Variants in CREB3L1 observed in about 807,000 individuals in gnomAD.
The protein encoded by CREB3L1 is cAMP responsive element binding protein 3 like 1.
In CREB3L1, 33 loss-of-function variants were observed where a neutral mutation model predicts 54.5. That is an observed-to-expected ratio of 0.61 (90% CI 0.46 to 0.81). CREB3L1 has a LOEUF of 0.81. CREB3L1 is among the 30% of genes least tolerant of loss of function. The probability of loss-of-function intolerance (pLI) is 0.00; values close to 1 mark genes in which losing one functional copy is unlikely to be tolerated. For synonymous variants in CREB3L1, 284 were observed against 286.4 expected (o/e 0.99, Z 0.08); for missense variants, 656 against 673.3 (o/e 0.97, Z 0.29).
intron 1 of CREB3L1, among the ~76,000 whole-genome samples, chr11:46,284,788 G>A (rs1183674382): frequency 1.3e-5 from 2 of 152,130 alleles, no homozygotes; most frequent in African/African-American, 4.8e-5. Flanking sequence ...AGGGGAGCAA[G>A]AAGAAGCTAC....
chr11:46,293,680 C>G (rs1032242826), intron 1 of CREB3L1, among the ~76,000 whole-genome samples: 10 of 152,236 alleles, frequency 6.6e-5, no homozygotes, highest in Admixed American at 5.2e-4. Context: ...GTGTCCCAGC[C>G]CCATGCAAGC....
In CREB3L1 at chr11:46,277,993, T is replaced by G; in HGVS notation, c.-119T>G. 8.2e-6 allele frequency: 3 copies of G among 367,018 alleles called. No individual in the cohort carries two copies. Among genetic ancestry groups the G allele is most frequent in the Non-Finnish European group, 1.3e-5 (3 of 223,068 alleles). 22.7% of individuals were successfully genotyped at this position (367,018 alleles called of 1,614,324 possible). Reference sequence around the variant, plus strand: ...CTCCGTCCGCCCCTCCCCCGGGGCTTCGCCCCGGACCTGCCCCCCGCCCGT... The same window carrying G: ...CTCCGTCCGCCCCTCCCCCGGGGCTGCGCCCCGGACCTGCCCCCCGCCCGT... On this transcript the variant is annotated 5_prime_UTR_variant, in exon 1 of 12. Coordinates refer to ENST00000621158, the MANE Select transcript of CREB3L1 (RefSeq NM_052854.4).
At chr11:46,310,922 C>G (rs1442712477) in intron 4 of CREB3L1, 110 bp from the exon 5 acceptor site, 1 of 1,429,266 alleles carries the variant, frequency 7.0e-7, no homozygotes, top group Non-Finnish European at 9.2e-7. Flanking sequence ...CCTGGCAGTC[C>G]GTGTCCCACA....
chr11:46,299,647 C>A (rs1458830045), intron 1 of CREB3L1, among the ~76,000 whole-genome samples: 2 of 152,090 alleles, frequency 1.3e-5, no homozygotes, highest in African/African-American at 2.4e-5. Context: ...GTTTTTGATC[C>A]CATCCTGAGC....
rs141490983 is a variant in CREB3L1 at position 46,294,464 on chromosome 11, A to G, written c.103-5471A>G. On this transcript the variant is annotated intron_variant, in intron 1 of 11. Coordinates refer to ENST00000621158, the MANE Select transcript of CREB3L1 (RefSeq NM_052854.4). The stretch of plus-strand genomic sequence containing the variant: ...GTCAACCGCGCTTCCATAAAGACAC[A>G]GACTGTAATGGATGAGGAAACCGAG... Among the ~76,000 whole-genome samples, 691 of 152,248 alleles carry G rather than the reference A, an allele frequency of 4.5e-3. 3 individuals carry two copies. Among genetic ancestry groups the G allele is most frequent in the African/African-American group, 0.014 (589 of 41,544 alleles).
At chr11:46,315,808 C>T (rs1035833032) in intron 8 of CREB3L1, 3 of 170,562 alleles carry the variant, frequency 1.8e-5, no homozygotes, top group Non-Finnish European at 3.8e-5. Flanking sequence ...GGTGAAAGAG[C>T]GAGACTCTGT....
At chr11:46,299,111 CCACTGTGTGCTGTG>C (rs895871044) in intron 1 of CREB3L1, among the ~76,000 whole-genome samples, 5 of 152,092 alleles carry the variant, frequency 3.3e-5, no homozygotes, top group African/African-American at 1.2e-4. Flanking sequence ...GTATTTAACT[CCACTGTGTGCTGTG>C]CACTCTGATA....
chr11:46,301,286 G>A (rs1375922136), intron 2 of CREB3L1, among the ~76,000 whole-genome samples: 1 of 152,070 alleles, frequency 6.6e-6, no homozygotes, highest in Non-Finnish European at 1.5e-5. Context: ...GGTGTAGTGA[G>A]CTGAGACCGC....
chr11:46,316,498 C>A (rs1180134088), intron 9 of CREB3L1, 113 bp downstream of exon 9: 5 of 688,394 alleles, frequency 7.3e-6, no homozygotes, highest in Non-Finnish European at 1.3e-5. Context: ...GGCAGCGTCC[C>A]AGGGTACACC....
intron 2 of CREB3L1, among the ~76,000 whole-genome samples, chr11:46,301,522 C>T (rs773577191): frequency 3.3e-4 from 50 of 152,022 alleles, no homozygotes; most frequent in South Asian, 2.3e-3. Context: ...CACATGGTGC[C>T]TCCATTACAT....
At chr11:46,281,715 C>T (rs566540696) in intron 1 of CREB3L1, among the ~76,000 whole-genome samples, 3 of 152,188 alleles carry the variant, frequency 2.0e-5, no homozygotes, top group Non-Finnish European at 4.4e-5. Flanking sequence ...GGCACCCCCA[C>T]CCCCAGCCTT....
chr11:46,314,348 G>A (rs1025736227), intron 8 of CREB3L1, among the ~76,000 whole-genome samples: 15 of 152,066 alleles, frequency 9.9e-5, no homozygotes, highest in Non-Finnish European at 1.9e-4. Context: ...ATTTAGAAAT[G>A]TGCAATTCAT....
rs756237703 is a variant in CREB3L1 at position 46,304,544 on chromosome 11, C to A, written c.332-3272C>A. ...TGCTCAGCGCAAGAAGTGTGAGCTG[C>A]GTCTGATAGTCTTTGAGATTCCCTA... is the stretch of plus-strand genomic sequence containing the variant. On this transcript the variant is annotated intron_variant, in intron 2 of 11. Coordinates refer to ENST00000621158, the MANE Select transcript of CREB3L1 (RefSeq NM_052854.4). 1.2e-4 allele frequency among the ~76,000 whole-genome samples: 19 copies of A among 152,114 alleles called. 1 individual carries two copies. Among genetic ancestry groups the A allele is most frequent in the Non-Finnish European group, 1.8e-4 (12 of 68,026 alleles).
intron 2 of CREB3L1, among the ~76,000 whole-genome samples, chr11:46,306,368 G>A (rs1048933328): frequency 1.3e-5 from 2 of 152,116 alleles, no homozygotes; most frequent in African/African-American, 4.8e-5. Context: ...GCTGGGCATG[G>A]TGGCATGCGC....
In CREB3L1 at chr11:46,278,497, C is replaced by A. The variant is rs1938914534; in HGVS notation, c.102+284C>A. Reference sequence around the variant, plus strand: ...AAGAGACACCAATCCCGCCCTCCACCCACGTCTTCTAGCCGTCCCCAACCC... The same window carrying A: ...AAGAGACACCAATCCCGCCCTCCACACACGTCTTCTAGCCGTCCCCAACCC... On this transcript the variant is annotated intron_variant, in intron 1 of 11. Coordinates refer to ENST00000621158, the MANE Select transcript of CREB3L1 (RefSeq NM_052854.4). The surrounding 1 kb of genome is among the most constrained non-coding windows in gnomAD (Gnocchi z 4.2). 6.6e-6 allele frequency among the ~76,000 whole-genome samples: 1 copy of A among 152,224 alleles called. No homozygotes were observed. The highest frequency in any genetic ancestry group is 1.5e-5 in the Non-Finnish European group (1 of 68,038).
In CREB3L1 at chr11:46,320,249, A is replaced by G; in HGVS notation, c.1259-15A>G. On this transcript the variant is annotated splice_polypyrimidine_tract_variant and intron_variant, in intron 10 of 11. Transcript: ENST00000621158. ...GAATCTTGGGCACACCGCTCATCCT[A>G]CACTCCCTCTCCAGTGCCCTCCCGA... 1 of 1,579,620 alleles carries G rather than the reference A, an allele frequency of 6.3e-7. No homozygotes were observed. The highest frequency in any genetic ancestry group is 1.2e-5 in the South Asian group (1 of 86,372).
chr11:46,293,182 G>A (rs991775338), intron 1 of CREB3L1, among the ~76,000 whole-genome samples: 46 of 152,230 alleles, frequency 3.0e-4, no homozygotes, highest in Non-Finnish European at 5.3e-4. Context: ...CCCGGCACTC[G>A]GTTTCCGGTG....
chr11:46,312,464 T>C lies in CREB3L1; in HGVS notation c.893T>C (p.Ile298Thr). The change falls in exon 6 of 12, where the codon ATC (isoleucine) becomes ACC (threonine). Residue 298 changes from isoleucine (I) to threonine (T), a missense_variant. By Grantham distance (89) the Ile-to-Thr change is moderately conservative. Coordinates refer to ENST00000621158, the MANE Select transcript of CREB3L1 (RefSeq NM_052854.4). ...EKALKRVRRK[I>T]KNKISAQESR... is the part of the protein sequence containing the mutation. ...GCCTTGAAGAGAGTCCGGAGGAAAA[T>C]CAAGAACAAGGTAAAGCCTGCCACC... The C allele has an allele frequency of 6.2e-7, 1 of 1,613,326 alleles. No homozygotes were observed. The highest frequency in any genetic ancestry group is 1.3e-5 in the African/African-American group (1 of 74,928).
intron 1 of CREB3L1, among the ~76,000 whole-genome samples, chr11:46,280,890 T>C (rs1052435242): frequency 6.6e-6 from 1 of 152,162 alleles, no homozygotes; most frequent in African/African-American, 2.4e-5. Flanking sequence ...GAGCAGAATA[T>C]TCGCTATCCT....
Sources: gnomAD v4.1 joint callset for allele counts (sites outside exome capture counted in the v4.1 genomes callset) on GRCh38, gnomAD v4.1.1 for gene constraint, Gnocchi (gnomAD v3.1) non-coding constraint, MANE v1.5 for transcripts, NCBI Gene and HGNC (gene_info 2026-07-23, HGNC 2026-07-21) for gene names.